SLIT3: variants seen among roughly 807,000 people sequenced by gnomAD.
The protein encoded by SLIT3 is slit homolog 3 protein.
Under a neutral mutation model 184.0 loss-of-function variants are expected in SLIT3, and 68 were observed. The ratio of observed to expected loss-of-function variants is 0.37; its 90% CI spans 0.30 to 0.45. The LOEUF (loss-of-function observed/expected upper bound fraction) is 0.45. SLIT3 is among the 20% of genes least tolerant of loss of function. SLIT3 has a pLI of 1.00. For missense variants in SLIT3, 1,707 were observed against 2,026.0 expected (o/e 0.84, Z 3.02); for synonymous variants, 831 against 828.6 (o/e 1.00, Z -0.05).
chr5:169,116,035 A>T (rs930533219), intron 4 of SLIT3, among the ~76,000 whole-genome samples: 1 of 152,210 alleles, frequency 6.6e-6, no homozygotes, highest in Non-Finnish European at 1.5e-5. Context: ...GCCAATGCTG[A>T]TGGAGCTCAG....
intron 4 of SLIT3, among the ~76,000 whole-genome samples, chr5:169,023,174 A>G (rs1756667484): frequency 6.6e-6 from 1 of 152,148 alleles, no homozygotes; most frequent in Non-Finnish European, 1.5e-5. Context: ...GAGTGTGTAC[A>G]TGCATATAAC....
chr5:169,162,461 AAC>A (rs1178832555), intron 4 of SLIT3, among the ~76,000 whole-genome samples: 1 of 152,244 alleles, frequency 6.6e-6, no homozygotes, highest in Non-Finnish European at 1.5e-5. Flanking sequence ...CCTCTCAAGC[AAC>A]ACACAGTCAT....
rs977904492 is a variant in SLIT3, at chr5:169,270,832, A to T, written c.198-19373T>A. On this transcript the variant is annotated intron_variant, in intron 1 of 35. Transcript: ENST00000519560. ...CAGAAGTAGCAACATGACTCTGGGG[A>T]AGTTATTTTAACTCTCTGTGCCTCT... Among the ~76,000 whole-genome samples, 7 of 152,156 alleles carry T rather than the reference A, an allele frequency of 4.6e-5. 1 individual carries two copies. The South Asian group carries it at 1.0e-3, about 23-fold the overall frequency.
At chr5:169,226,431 G>A (rs1391451275) in intron 3 of SLIT3, among the ~76,000 whole-genome samples, 1 of 152,120 alleles carries the variant, frequency 6.6e-6, no homozygotes, top group Non-Finnish European at 1.5e-5. Context: ...CAAAACAAGA[G>A]TCCCTGAAGG....
intron 4 of SLIT3, among the ~76,000 whole-genome samples, chr5:169,086,445 G>T (rs1759300396): frequency 6.6e-6 from 1 of 152,180 alleles, no homozygotes. Flanking sequence ...TCCTTTATCT[G>T]TTTCTAATTG....
chr5:169,072,738 C>G (rs993428795), intron 4 of SLIT3, among the ~76,000 whole-genome samples: 7 of 152,228 alleles, frequency 4.6e-5, no homozygotes, highest in Non-Finnish European at 1.0e-4. Context: ...AGATCTTCTG[C>G]ACGGCTGGAG....
chr5:168,786,403 C>T (rs953642819), intron 11 of SLIT3, among the ~76,000 whole-genome samples: 2 of 152,154 alleles, frequency 1.3e-5, no homozygotes, highest in Non-Finnish European at 2.9e-5. Flanking sequence ...TATCCCTTTG[C>T]ATCTTAGGAA....
chr5:168,815,232 G>T (rs1323154946), intron 8 of SLIT3, among the ~76,000 whole-genome samples: 1 of 152,244 alleles, frequency 6.6e-6, no homozygotes, highest in South Asian at 2.1e-4. Flanking sequence ...TTCCAAAGGA[G>T]AAAGAGTGAG....
chr5:168,958,258 T>C (rs6555841), intron 4 of SLIT3, among the ~76,000 whole-genome samples: 73,185 of 151,966 alleles, frequency 0.48, 19,475 homozygotes, highest in African/African-American at 0.73. Flanking sequence ...GTGAATAGGG[T>C]TTCAAGGACC....
chr5:168,712,385 G>T (rs766281923), intron 23 of SLIT3, 31 bp from the exon 24 acceptor site: 1 of 1,599,504 alleles, frequency 6.3e-7, no homozygotes, highest in Non-Finnish European at 8.6e-7. Flanking sequence ...CGGAAGGTTA[G>T]CATCCACTAA....
At chr5:169,237,891 C>A (rs569026374) in intron 3 of SLIT3, among the ~76,000 whole-genome samples, 1 of 152,108 alleles carries the variant, frequency 6.6e-6, no homozygotes, top group East Asian at 1.9e-4. Flanking sequence ...TGAATCATCT[C>A]GACTTCAATT....
chr5:168,686,408 C>G (rs1761745919), intron 30 of SLIT3, among the ~76,000 whole-genome samples: 1 of 152,216 alleles, frequency 6.6e-6, no homozygotes, highest in South Asian at 2.1e-4. Flanking sequence ...GCAGTAAAAA[C>G]AAAGGGAATT....
At chr5:168,981,471 G>A (rs1013820891) in intron 4 of SLIT3, among the ~76,000 whole-genome samples, 1 of 152,116 alleles carries the variant, frequency 6.6e-6, no homozygotes, top group African/African-American at 2.4e-5. Flanking sequence ...ATGTGGTGGA[G>A]GTTCCATGCG....
At chr5:168,765,514 C>T (rs947090225) in intron 14 of SLIT3, among the ~76,000 whole-genome samples, 2 of 152,140 alleles carry the variant, frequency 1.3e-5, no homozygotes, top group Non-Finnish European at 2.9e-5. Context: ...AGAGCCAGCC[C>T]GAAATGCCAT....
chr5:169,037,001 C>T (rs72826569), intron 4 of SLIT3, among the ~76,000 whole-genome samples: 2,184 of 152,248 alleles, frequency 0.014, 16 homozygotes, highest in East Asian at 0.026. Context: ...ACAAGCAAAA[C>T]AAGATGTTTT....
At chr5:169,094,344 C>T (rs1486652849) in intron 4 of SLIT3, among the ~76,000 whole-genome samples, 1 of 152,120 alleles carries the variant, frequency 6.6e-6, no homozygotes, top group Non-Finnish European at 1.5e-5. Flanking sequence ...AAGCTATAGC[C>T]CAGGCCAGGT....
At chr5:168,684,225 TTCC>T in intron 31 of SLIT3, 129 bp from the exon 32 acceptor site, 1 of 980,584 alleles carries the variant, frequency 1.0e-6, no homozygotes, top group Non-Finnish European at 1.4e-6. Flanking sequence ...ATGTCCATCT[TTCC>T]TCCTCCATCT....
At chr5:168,884,276 G>C (rs1182558355) in intron 4 of SLIT3, among the ~76,000 whole-genome samples, 3 of 151,422 alleles carry the variant, frequency 2.0e-5, no homozygotes, top group Admixed American at 1.3e-4. Flanking sequence ...CTCATGCCAG[G>C]CCTCCTTCCA....
At chr5:168,861,214 G>A (rs566256989) in intron 5 of SLIT3, among the ~76,000 whole-genome samples, 68 of 152,124 alleles carry the variant, frequency 4.5e-4, no homozygotes, top group Admixed American at 1.8e-3. Context: ...CCATTAACTC[G>A]TCATTTACAT....
Sources: gnomAD v4.1 joint callset for allele counts (sites outside exome capture counted in the v4.1 genomes callset) on GRCh38, gnomAD v4.1.1 for gene constraint, MANE v1.5 for transcripts, NCBI Gene and HGNC (gene_info 2026-07-23, HGNC 2026-07-21) for gene names.